The following VWA3B variants were observed in gnomAD, a reference collection of about 807,000 sequenced individuals.
VWA3B encodes the protein von Willebrand factor A domain containing 3B, also known as von Willebrand factor A domain-containing protein 3B.
A neutral mutation model predicts 158.3 loss-of-function variants in VWA3B; 138 were observed. The observed-to-expected ratio is 0.87, with a 90% CI of 0.76 to 1.00. The LOEUF (loss-of-function observed/expected upper bound fraction) is 1.00. VWA3B is among the 50% of genes least tolerant of loss of function. VWA3B has a pLI of 0.00. For synonymous variants in VWA3B, 596 were observed against 587.3 expected, an observed-to-expected ratio of 1.01 and a Z score of -0.21; for missense variants, 1,555 against 1,565.1, an observed-to-expected ratio of 0.99 and a Z score of 0.11.
intron 2 of VWA3B, among the ~76,000 whole-genome samples, chr2:98,100,866 C>T (rs558712386): frequency 7.2e-5 from 11 of 152,136 alleles, no homozygotes; most frequent in East Asian, 1.9e-4. Flanking sequence ...AACCAGGTAC[C>T]GTGATCTGTC....
Position 98,194,510 on chromosome 2 carries a change from C to G in VWA3B, c.1737+18C>G. 2 of 1,612,134 alleles carry G rather than the reference C, an allele frequency of 1.2e-6. No homozygotes were observed. Among genetic ancestry groups the G allele is most frequent in the Non-Finnish European group, 1.7e-6 (2 of 1,178,562 alleles). On this transcript the variant is annotated intron_variant, in intron 12 of 27. Transcript: ENST00000477737. ...ACATAAAGGTAAGTTGGAGACTAAG[C>G]TGGGAGAAGCATCCTAGGAGTCTCT...
chr2:98,202,590 A>C (rs1454165685), intron 12 of VWA3B, among the ~76,000 whole-genome samples: 7 of 152,026 alleles, frequency 4.6e-5, no homozygotes, highest in Non-Finnish European at 7.4e-5. Context: ...CTAAGAATTT[A>C]ATGATATAAA....
At chr2:98,123,903 C>G (rs1675162632) in intron 5 of VWA3B, among the ~76,000 whole-genome samples, 1 of 152,206 alleles carries the variant, frequency 6.6e-6, no homozygotes, top group Non-Finnish European at 1.5e-5. Context: ...TGCTTCTCTG[C>G]CAGGACAAGG....
intron 7 of VWA3B, among the ~76,000 whole-genome samples, chr2:98,136,389 G>C (rs1400316916): frequency 6.6e-6 from 1 of 152,024 alleles, no homozygotes; most frequent in Non-Finnish European, 1.5e-5. Flanking sequence ...GTCTATGTCT[G>C]TTCATGCTGC....
At chr2:98,187,106 G>A (rs544394101) in intron 9 of VWA3B, among the ~76,000 whole-genome samples, 13 of 152,150 alleles carry the variant, frequency 8.5e-5, no homozygotes, top group Admixed American at 3.3e-4. Flanking sequence ...ACTCTGTTCC[G>A]CCAGGCCTTC....
intron 4 of VWA3B, 73 bp from the exon 5 acceptor site, chr2:98,121,226 C>T: frequency 6.5e-7 from 1 of 1,545,298 alleles, no homozygotes. Context: ...CTGCTCATGG[C>T]TGTGAGACGG....
At chr2:98,276,522 T>C (rs918023334) in intron 22 of VWA3B, among the ~76,000 whole-genome samples, 8 of 152,362 alleles carry the variant, frequency 5.3e-5, no homozygotes, top group South Asian at 2.1e-4. Flanking sequence ...AGCACCCCCA[T>C]GAGCTGACTG....
At chr2:98,233,394 T>A (rs1413292016) in intron 16 of VWA3B, among the ~76,000 whole-genome samples, 1 of 152,196 alleles carries the variant, frequency 6.6e-6, no homozygotes, top group Non-Finnish European at 1.5e-5. Flanking sequence ...AGTTTTTATG[T>A]TTGGAGACTT....
chr2:98,229,186 T>C (rs977570049), intron 15 of VWA3B, among the ~76,000 whole-genome samples: 2 of 152,350 alleles, frequency 1.3e-5, no homozygotes, highest in African/African-American at 4.8e-5. Flanking sequence ...AGATACAGCT[T>C]CTAAATTTCA....
At chr2:98,241,161 G>A (rs1686051522) in intron 19 of VWA3B, among the ~76,000 whole-genome samples, 1 of 152,096 alleles carries the variant, frequency 6.6e-6, no homozygotes, top group African/African-American at 2.4e-5. Context: ...TCAGACCCAG[G>A]GGAAGAGAAG....
intron 8 of VWA3B, among the ~76,000 whole-genome samples, chr2:98,178,382 C>T (rs1680191778): frequency 6.6e-6 from 1 of 152,150 alleles, no homozygotes; most frequent in African/African-American, 2.4e-5. Flanking sequence ...CAATGGTGTT[C>T]TATTAAAATT....
intron 22 of VWA3B, among the ~76,000 whole-genome samples, chr2:98,273,828 T>C (rs969750904): frequency 6.6e-6 from 1 of 152,204 alleles, no homozygotes; most frequent in Admixed American, 6.5e-5. Flanking sequence ...CTTTTATCTA[T>C]ACTTTATATT....
intron 2 of VWA3B, among the ~76,000 whole-genome samples, chr2:98,111,049 A>T (rs1674096288): frequency 6.6e-6 from 1 of 151,966 alleles, no homozygotes; most frequent in Non-Finnish European, 1.5e-5. Flanking sequence ...TCCTTTGTAA[A>T]TTTCCCGGTT....
chr2:98,229,850 C>T lies in VWA3B; in HGVS notation c.2151-200C>T, dbSNP rs905009095. On this transcript the variant is annotated intron_variant, in intron 15 of 27. Transcript: ENST00000477737. ...CTGTGAAGTGAGCTGTATCTTCTGA[C>T]TCCAAGGCTGGGCCCCTCTCCACTC... is the stretch of plus-strand genomic sequence containing the variant. Among the ~76,000 whole-genome samples, 5 of 152,294 alleles carry T rather than the reference C, an allele frequency of 3.3e-5. No homozygotes were observed. The South Asian group carries it at 1.0e-3, about 32-fold the overall frequency.
chr2:98,193,830 C>T (rs577992917), intron 11 of VWA3B, among the ~76,000 whole-genome samples: 21 of 151,948 alleles, frequency 1.4e-4, no homozygotes, highest in African/African-American at 2.2e-4. Flanking sequence ...CCTCGTGATC[C>T]GCCCGCCTCG....
At chr2:98,139,281 T>G (rs1035313685) in intron 7 of VWA3B, among the ~76,000 whole-genome samples, 2 of 152,132 alleles carry the variant, frequency 1.3e-5, no homozygotes, top group African/African-American at 4.8e-5. Context: ...ACCTGAGCCT[T>G]CCCCCGCCTC....
chr2:98,250,489 G>C, intron 20 of VWA3B, 53 bp downstream of exon 20: 2 of 1,339,276 alleles, frequency 1.5e-6, no homozygotes, highest in Non-Finnish European at 2.1e-6. Flanking sequence ...ATTTTATGGA[G>C]AAGGAGACTT....
chr2:98,313,930 T>C (rs1389323634), downstream of VWA3B, among the ~76,000 whole-genome samples: 1 of 152,162 alleles, frequency 6.6e-6, no homozygotes, highest in African/African-American at 2.4e-5. Flanking sequence ...AACGGTGAAC[T>C]TCCACCTCCA....
chr2:98,215,010 G>C (rs1027268385), intron 13 of VWA3B, among the ~76,000 whole-genome samples: 1 of 152,104 alleles, frequency 6.6e-6, no homozygotes. Flanking sequence ...AGTCCAGTAC[G>C]GACTTCTGAG....
Sources: allele counts gnomAD v4.1 joint callset (sites outside exome capture counted in the v4.1 genomes callset), GRCh38; gene constraint gnomAD v4.1.1; transcripts MANE v1.5; gene names NCBI Gene and HGNC (gene_info 2026-07-23, HGNC 2026-07-21).